Variants in LASP1 observed in about 807,000 individuals in gnomAD.
The protein encoded by LASP1 is LIM and SH3 domain protein 1.
LASP1 carries 10 observed loss-of-function variants against 38.6 expected under a neutral mutation model. The ratio of observed to expected loss-of-function variants is 0.26; its 90% CI spans 0.16 to 0.44. The LOEUF (loss-of-function observed/expected upper bound fraction) is 0.44. Among genes scored for constraint, LASP1 ranks in the 20% least tolerant of loss-of-function variants. The probability of loss-of-function intolerance (pLI) is 1.00; values close to 1 mark genes in which losing one functional copy is unlikely to be tolerated. For missense variants in LASP1, 243 were observed against 375.7 expected (o/e 0.65, Z 2.92); for synonymous variants, 132 against 140.8 (o/e 0.94, Z 0.44).
Position 38,919,780 on chromosome 17 carries a change from C to T in LASP1, c.*1002C>T, listed in dbSNP as rs929670379. 5.9e-5 allele frequency: 25 copies of T among 423,906 alleles called. No homozygotes were observed. Among genetic ancestry groups the T allele is most frequent in the Non-Finnish European group, 1.1e-4 (24 of 221,358 alleles). 26.3% of individuals were successfully genotyped at this position (423,906 alleles called of 1,614,324 possible). ...AGCCCAATGCCAAGTGGACTTGGAGCTGCACAAAGTCAGCAGGGACCACTA... is the reference window on the plus strand; with the variant it reads ...AGCCCAATGCCAAGTGGACTTGGAGTTGCACAAAGTCAGCAGGGACCACTA... On this transcript the variant is annotated 3_prime_UTR_variant, in exon 7 of 7. Transcript: ENST00000318008.
chr17:38,886,694 T>C (rs1376067780), intron 2 of LASP1, among the ~76,000 whole-genome samples: 2 of 150,964 alleles, frequency 1.3e-5, no homozygotes. Context: ...GGACACAGTG[T>C]GGGGTGCAGG....
chr17:38,916,093 G>C (rs1317930847), intron 6 of LASP1: 1 of 152,334 alleles, frequency 6.6e-6, no homozygotes, highest in Non-Finnish European at 1.5e-5. Flanking sequence ...TGTCCTGGAT[G>C]TGTAGGGTCC....
intron 1 of LASP1, among the ~76,000 whole-genome samples, chr17:38,871,064 G>A (rs927507272): frequency 6.6e-6 from 1 of 150,976 alleles, no homozygotes; most frequent in Non-Finnish European, 1.5e-5. Flanking sequence ...GAAGAACAAA[G>A]AGCTAACTTT....
intron 1 of LASP1, among the ~76,000 whole-genome samples, chr17:38,876,296 A>G (rs1288816385): frequency 6.7e-6 from 1 of 148,888 alleles, no homozygotes; most frequent in Admixed American, 6.8e-5. Context: ...CTTTTGCCTC[A>G]GCCTCCCAAG....
Position 38,876,343 on chromosome 17 carries a change from C to CTATTTATT in LASP1, c.70-1717_70-1710dup, listed in dbSNP as rs374232262. Among the ~76,000 whole-genome samples the CTATTTATT allele has an allele frequency of 7.1e-4, 106 of 148,612 alleles. 1 individual carries two copies. The highest frequency in any genetic ancestry group is 3.5e-3 in the Middle Eastern group (1 of 282). On this transcript the variant is annotated intron_variant, in intron 1 of 6. Coordinates refer to ENST00000318008, the MANE Select transcript of LASP1 (RefSeq NM_006148.4). ...ACAGGCATGCGCCACCATACCCGGC[C>CTATTTATT]TATTTATTTATTTATTTATTTATTT...
intron 4 of LASP1, among the ~76,000 whole-genome samples, chr17:38,909,974 C>G (rs1411949800): frequency 6.6e-6 from 1 of 152,136 alleles, no homozygotes; most frequent in Non-Finnish European, 1.5e-5. Flanking sequence ...TCTTGAACTC[C>G]TGACTTCAAG....
chr17:38,888,531 G>T (rs1040584149), intron 2 of LASP1, among the ~76,000 whole-genome samples: 1 of 152,172 alleles, frequency 6.6e-6, no homozygotes, highest in Non-Finnish European at 1.5e-5. Context: ...ACCTGCTTTG[G>T]CCTCCCAAAG....
chr17:38,914,232 G>A (rs548627852), intron 4 of LASP1, 93 bp from the exon 5 acceptor site: 652 of 1,451,324 alleles, frequency 4.5e-4, no homozygotes, highest in Non-Finnish European at 5.7e-5. Context: ...AAGCTCTTGG[G>A]TAGTCTCTCC....
intron 3 of LASP1, among the ~76,000 whole-genome samples, chr17:38,892,551 G>GACACAC (rs530593526): frequency 0.061 from 8,734 of 143,720 alleles, 532 homozygotes; most frequent in African/African-American, 0.16. Context: ...GGTCTTTGGA[G>GACACAC]ACACACACAC....
At chr17:38,915,972 G>A (rs1467266822) in intron 6 of LASP1, 1 of 152,194 alleles carries the variant, frequency 6.6e-6, no homozygotes, top group Non-Finnish European at 1.5e-5. Context: ...TGATGCTCTG[G>A]GCACACAAAC....
chr17:38,916,540 C>T (rs1915133143), intron 6 of LASP1: 1 of 149,746 alleles, frequency 6.7e-6, no homozygotes, highest in South Asian at 2.1e-4. Flanking sequence ...GCACTCCAGC[C>T]TGGGTGACAG....
At chr17:38,905,570 C>T (rs994328735) in intron 4 of LASP1, among the ~76,000 whole-genome samples, 16 of 148,184 alleles carry the variant, frequency 1.1e-4, no homozygotes, top group Admixed American at 4.7e-4. Context: ...TTCAACTTTA[C>T]GAGATAATGC....
intron 2 of LASP1, among the ~76,000 whole-genome samples, chr17:38,888,211 G>C (rs1914201083): frequency 1.3e-5 from 2 of 152,088 alleles, no homozygotes; most frequent in South Asian, 4.1e-4. Context: ...GGTTTGCTAG[G>C]GGACCTTGTG....
chr17:38,903,005 C>T (rs528481048), intron 4 of LASP1, among the ~76,000 whole-genome samples: 6 of 152,190 alleles, frequency 3.9e-5, no homozygotes, highest in Admixed American at 6.5e-5. Context: ...GCCCAGCTGA[C>T]TCCAGTTATT....
intron 4 of LASP1, among the ~76,000 whole-genome samples, chr17:38,908,699 T>G (rs1914840542): frequency 6.6e-6 from 1 of 152,240 alleles, no homozygotes; most frequent in South Asian, 2.1e-4. Context: ...CCCCAGACTC[T>G]GTCCAGGCCC....
chr17:38,913,724 G>A (rs545056151), intron 4 of LASP1, among the ~76,000 whole-genome samples: 76 of 152,290 alleles, frequency 5.0e-4, no homozygotes, highest in Non-Finnish European at 1.5e-4. Flanking sequence ...CCACTTGGCC[G>A]GTCACGGTGG....
In LASP1 at chr17:38,920,016, G is replaced by A; in HGVS notation, c.*1238G>A. Reference sequence around the variant, plus strand: ...CCACAGTGAGAGGGGAGGGCTCCTGGGGCAGAGAAGTTCCTTAGGTTTTCT... The same window carrying A: ...CCACAGTGAGAGGGGAGGGCTCCTGAGGCAGAGAAGTTCCTTAGGTTTTCT... On this transcript the variant is annotated 3_prime_UTR_variant, in exon 7 of 7. Transcript: ENST00000318008. 1.9e-6 allele frequency: 1 copy of A among 535,334 alleles called. No individual in the cohort carries two copies. The highest frequency in any genetic ancestry group is 3.6e-6 in the Non-Finnish European group (1 of 276,752). 33.2% of individuals were successfully genotyped at this position (535,334 alleles called of 1,614,324 possible). A position where few individuals can be genotyped will look rare whatever the true frequency, so the allele number is the denominator to read the frequency against.
rs574242860 is a variant in LASP1, at chr17:38,918,009, A to G, written c.613-596A>G. Among the ~76,000 whole-genome samples the G allele has an allele frequency of 6.6e-6, 1 of 151,974 alleles. No homozygotes were observed. Among genetic ancestry groups the G allele is most frequent in the Non-Finnish European group, 1.5e-5 (1 of 67,956 alleles). On this transcript the variant is annotated intron_variant, in intron 6 of 6. Coordinates refer to ENST00000318008, the MANE Select transcript of LASP1 (RefSeq NM_006148.4). The surrounding 1 kb of genome is among the most constrained non-coding windows in gnomAD (Gnocchi z 4.4). ...ACAAAAATTAGCCGGGCATGGTGGT[A>G]CACGCTTATAGTCCCAGCTACTTGG... is the stretch of plus-strand genomic sequence containing the variant.
At position 38,919,764 on chromosome 17, in the gene LASP1, C is replaced by T. The variant is rs1915245835; in HGVS notation, c.*986C>T. 2.4e-6 allele frequency: 1 copy of T among 416,614 alleles called. No individual in the cohort carries two copies. 25.8% of individuals were successfully genotyped at this position (416,614 alleles called of 1,614,324 possible). A position where few individuals can be genotyped will look rare whatever the true frequency, so the allele number is the denominator to read the frequency against. ...ATGACCTCCCCTCCCCAGCCCAATG[C>T]CAAGTGGACTTGGAGCTGCACAAAG... On this transcript the variant is annotated 3_prime_UTR_variant, in exon 7 of 7. Transcript: ENST00000318008.
Sources: allele counts gnomAD v4.1 joint callset (sites outside exome capture counted in the v4.1 genomes callset), GRCh38; gene constraint gnomAD v4.1.1; non-coding constraint Gnocchi (gnomAD v3.1); transcripts MANE v1.5; gene names NCBI Gene and HGNC (gene_info 2026-07-23, HGNC 2026-07-21).